Variants in FAR2 observed in about 807,000 individuals in gnomAD.
FAR2 encodes fatty acyl-CoA reductase 2, also known as epididymis secretory protein Li 81.
In FAR2, 19 loss-of-function variants were observed where a neutral mutation model predicts 56.0. The observed-to-expected ratio is 0.34, with a 90% CI of 0.24 to 0.50. The LOEUF (loss-of-function observed/expected upper bound fraction) is 0.50, where lower values mean the gene tolerates loss of function less well. Ranked by LOEUF, FAR2 falls within the 20% of genes least tolerant of loss-of-function variation. The pLI is 0.98. For synonymous variants in FAR2, 219 were observed against 218.8 expected (o/e 1.00, Z -0.01); for missense variants, 508 against 642.2 (o/e 0.79, Z 2.26).
intron 1 of FAR2, among the ~76,000 whole-genome samples, chr12:29,211,506 T>C (rs1388929117): frequency 1.3e-5 from 2 of 152,158 alleles, no homozygotes; most frequent in African/African-American, 4.8e-5. Flanking sequence ...AAAACTATAT[T>C]CAGAAAAATT....
chr12:29,213,804 C>G (rs1229785473), intron 1 of FAR2, among the ~76,000 whole-genome samples: 4 of 152,092 alleles, frequency 2.6e-5, no homozygotes, highest in African/African-American at 9.7e-5. Flanking sequence ...CCTAAACCAT[C>G]TCCATCCTTC....
At chr12:29,297,450 T>C (rs1949090012) in intron 4 of FAR2, among the ~76,000 whole-genome samples, 1 of 152,210 alleles carries the variant, frequency 6.6e-6, no homozygotes, top group African/African-American at 2.4e-5. Flanking sequence ...TACTTGGGAA[T>C]ACTATACATA....
rs2882377 is a variant in FAR2 at position 29,272,651 on chromosome 12, C to G, written c.189+2013C>G. ...CTTCTGTCAATTTGTCCATCTGATC[C>G]TCCGTCCAGTTCTGCATCCTTGATG... On this transcript the variant is annotated intron_variant, in intron 2 of 11. Transcript: ENST00000536681. 2.4e-4 allele frequency among the ~76,000 whole-genome samples: 36 copies of G among 152,198 alleles called. No individual in the cohort carries two copies. In the East Asian group the frequency reaches 6.4e-3, roughly 27 times the overall value.
chr12:29,293,561 A>T (rs1358925543), intron 3 of FAR2, 86 bp downstream of exon 3: 2 of 1,218,090 alleles, frequency 1.6e-6, no homozygotes, highest in Non-Finnish European at 2.1e-6. Flanking sequence ...AAAGAAATAC[A>T]CTCTAAACAA....
intron 1 of FAR2, among the ~76,000 whole-genome samples, chr12:29,268,972 G>A (rs1451696740): frequency 6.6e-6 from 1 of 152,160 alleles, no homozygotes; most frequent in Non-Finnish European, 1.5e-5. Context: ...AAGGCAAGTG[G>A]AGGCAGGGCA....
At chr12:29,170,708 T>C (rs1280347146) in intron 1 of FAR2, among the ~76,000 whole-genome samples, 1 of 151,568 alleles carries the variant, frequency 6.6e-6, no homozygotes, top group Admixed American at 6.6e-5. Flanking sequence ...ACTTTCTGTC[T>C]CTTTCTCTGT....
At chr12:29,325,527 G>T (rs1476245683) in intron 10 of FAR2, among the ~76,000 whole-genome samples, 1 of 152,102 alleles carries the variant, frequency 6.6e-6, no homozygotes, top group Non-Finnish European at 1.5e-5. Flanking sequence ...AAATGTAAAA[G>T]AACAGAAATT....
intron 1 of FAR2, among the ~76,000 whole-genome samples, chr12:29,212,034 G>T (rs1947555672): frequency 6.6e-6 from 1 of 151,568 alleles, no homozygotes; most frequent in South Asian, 2.1e-4. Flanking sequence ...AGTGCCTTCA[G>T]AGGGATCAGC....
chr12:29,228,835 G>A (rs1947810504), intron 1 of FAR2, among the ~76,000 whole-genome samples: 1 of 152,158 alleles, frequency 6.6e-6, no homozygotes, highest in South Asian at 2.1e-4. Context: ...TGATCCGCTG[G>A]CCTTGCCCTC....
At chr12:29,319,524 T>C (rs2136808480) in intron 9 of FAR2, among the ~76,000 whole-genome samples, 1 of 152,342 alleles carries the variant, frequency 6.6e-6, no homozygotes, top group Non-Finnish European at 1.5e-5. Context: ...CTTATTAATG[T>C]ATGGGAACAT....
chr12:29,265,550 A>G (rs1276542244), intron 1 of FAR2, among the ~76,000 whole-genome samples: 1 of 152,182 alleles, frequency 6.6e-6, no homozygotes, highest in East Asian at 1.9e-4. Flanking sequence ...AAACTTAAAT[A>G]TAAGATCTCG....
At chr12:29,258,698 T>C (rs753554256) in intron 1 of FAR2, among the ~76,000 whole-genome samples, 16 of 152,252 alleles carry the variant, frequency 1.1e-4, no homozygotes, top group Non-Finnish European at 1.9e-4. Flanking sequence ...GACTTGATTA[T>C]GTATAGAGTC....
At chr12:29,196,186 A>G (rs968857870) in intron 1 of FAR2, among the ~76,000 whole-genome samples, 1 of 152,074 alleles carries the variant, frequency 6.6e-6, no homozygotes, top group Non-Finnish European at 1.5e-5. Flanking sequence ...TTTTTATAGA[A>G]TGACTTCTTT....
At chr12:29,198,151 C>T (rs1950157193) in intron 1 of FAR2, among the ~76,000 whole-genome samples, 1 of 152,180 alleles carries the variant, frequency 6.6e-6, no homozygotes, top group Non-Finnish European at 1.5e-5. Flanking sequence ...TTTATGCTTA[C>T]TGTTTTGACA....
chr12:29,239,302 C>T (rs1467039539), intron 1 of FAR2, among the ~76,000 whole-genome samples: 1 of 152,106 alleles, frequency 6.6e-6, no homozygotes. Context: ...GATAGCCACA[C>T]AATCAATGGA....
intron 1 of FAR2, among the ~76,000 whole-genome samples, chr12:29,199,558 C>T (rs1947378062): frequency 1.3e-5 from 2 of 150,388 alleles, no homozygotes; most frequent in Admixed American, 1.3e-4. Context: ...CGAGATCGCT[C>T]CACTGCGCTC....
chr12:29,325,138 C>A (rs1477747824), intron 10 of FAR2, among the ~76,000 whole-genome samples: 1 of 151,792 alleles, frequency 6.6e-6, no homozygotes, highest in Non-Finnish European at 1.5e-5. Flanking sequence ...CAACAAAGAT[C>A]AAAAGAGACA....
chr12:29,260,294 C>A (rs1406412073), intron 1 of FAR2, among the ~76,000 whole-genome samples: 1 of 152,154 alleles, frequency 6.6e-6, no homozygotes, highest in Non-Finnish European at 1.5e-5. Flanking sequence ...GTAGAAGAAA[C>A]ATCTCTGATG....
At chr12:29,222,419 G>T (rs1947706589) in intron 1 of FAR2, among the ~76,000 whole-genome samples, 1 of 152,124 alleles carries the variant, frequency 6.6e-6, no homozygotes, top group South Asian at 2.1e-4. Flanking sequence ...GAGAGAGAGT[G>T]AATTCAACTC....
Sources: gnomAD v4.1 joint callset for allele counts (sites outside exome capture counted in the v4.1 genomes callset) on GRCh38, gnomAD v4.1.1 for gene constraint, MANE v1.5 for transcripts, NCBI Gene and HGNC (gene_info 2026-07-23, HGNC 2026-07-21) for gene names.